The following SPARCL1 variants were observed in gnomAD, a reference collection of about 807,000 sequenced individuals.
SPARCL1 encodes SPARC like 1.
Under a neutral mutation model 67.1 loss-of-function variants are expected in SPARCL1, and 52 were observed. That is an observed-to-expected ratio of 0.78 (90% confidence interval 0.62 to 0.98). The LOEUF (loss-of-function observed/expected upper bound fraction) is 0.98. SPARCL1 is among the 50% of genes least tolerant of loss of function. The pLI is 0.00. For missense variants in SPARCL1, 717 were observed against 782.4 expected (o/e 0.92, Z 1.00); for synonymous variants, 226 against 267.8 (o/e 0.84, Z 1.52).
At position 87,523,729 on chromosome 4, in the gene SPARCL1, T is replaced by C. The variant is rs145641226; in HGVS notation, c.-12+5316A>G. 5.9e-3 allele frequency among the ~76,000 whole-genome samples: 903 copies of C among 152,320 alleles called. 12 individuals are homozygous for C. Among genetic ancestry groups the C allele is most frequent in the African/African-American group, 0.02 (842 of 41,556 alleles). ...AAGTCATGTTAATAAGTATAAAATA[T>C]TTAAATTAAAGTAACATATTAAATA... is the stretch of plus-strand genomic sequence containing the variant. On this transcript the variant is annotated intron_variant, in intron 1 of 10. Transcript: ENST00000282470.
chr4:87,522,658 C>CAT (rs907606043), intron 1 of SPARCL1, among the ~76,000 whole-genome samples: 1 of 150,292 alleles, frequency 6.7e-6, no homozygotes, highest in Non-Finnish European at 1.5e-5. Context: ...CACACACACA[C>CAT]ACACACACAC....
At chr4:87,522,787 G>A (rs908241629) in intron 1 of SPARCL1, among the ~76,000 whole-genome samples, 1 of 152,028 alleles carries the variant, frequency 6.6e-6, no homozygotes, top group Non-Finnish European at 1.5e-5. Context: ...GAACAAAGGT[G>A]TTTTGCCTTC....
chr4:87,490,605 G>C (rs1487562465), intron 6 of SPARCL1, among the ~76,000 whole-genome samples, 155 bp downstream of exon 6: 2 of 152,178 alleles, frequency 1.3e-5, no homozygotes, highest in African/African-American at 4.8e-5. Context: ...GATAAGCTCA[G>C]TAGAATGAAA....
At chr4:87,512,609 G>A (rs1183974126) in intron 1 of SPARCL1, among the ~76,000 whole-genome samples, 1 of 152,138 alleles carries the variant, frequency 6.6e-6, no homozygotes, top group African/African-American at 2.4e-5. Flanking sequence ...CCTCCTGGAT[G>A]ATTCAGCCCC....
chr4:87,493,998 G>C lies in SPARCL1; in HGVS notation c.802C>G (p.Gln268Glu), dbSNP rs762084398. Reference protein sequence around the residue: ...EDEFDQGNQEQEDNSNAEMEE... With the variant: ...EDEFDQGNQEEEDNSNAEMEE... ...ATTTCTGCATTGGAGTTATCTTCTT[G>C]TTCTTGGTTACCCTGATCAAATTCA... Residue 268 changes from glutamine to glutamate, a missense_variant, in exon 4 of 11, where the codon CAA becomes GAA. Transcript: ENST00000282470. 1.2e-6 allele frequency: 2 copies of C among 1,614,018 alleles called. No individual in the cohort carries two copies. Among genetic ancestry groups the C allele is most frequent in the South Asian group, 1.1e-5 (1 of 91,066 alleles).
chr4:87,486,516 G>A (rs1373158858), intron 7 of SPARCL1, among the ~76,000 whole-genome samples: 1 of 152,178 alleles, frequency 6.6e-6, no homozygotes, highest in Non-Finnish European at 1.5e-5. Context: ...ACAATGTGGT[G>A]CTGAGAAGAA....
chr4:87,526,324 A>C (rs1279849167), intron 1 of SPARCL1, among the ~76,000 whole-genome samples: 9 of 152,216 alleles, frequency 5.9e-5, no homozygotes, highest in Admixed American at 5.2e-4. Flanking sequence ...AATTCAAAGA[A>C]TATTTCCTTC....
chr4:87,508,509 C>A (rs908738115), intron 1 of SPARCL1, among the ~76,000 whole-genome samples: 3 of 151,980 alleles, frequency 2.0e-5, no homozygotes, highest in African/African-American at 7.3e-5. Context: ...CTCTTCTTGG[C>A]CTCTCCATGC....
intron 5 of SPARCL1, among the ~76,000 whole-genome samples, chr4:87,491,260 G>A (rs534849641): frequency 1.2e-5 from 1 of 84,120 alleles, no homozygotes; most frequent in Non-Finnish European, 2.5e-5. Context: ...GTTTGTGATA[G>A]GGGGAGGAAT....
intron 1 of SPARCL1, among the ~76,000 whole-genome samples, chr4:87,524,111 ACTG>A (rs1362918033): frequency 7.9e-5 from 12 of 152,354 alleles, no homozygotes; most frequent in African/African-American, 2.4e-4. Flanking sequence ...CCTAGAAAAC[ACTG>A]GAGGAACTGA....
intron 10 of SPARCL1, among the ~76,000 whole-genome samples, chr4:87,477,418 A>G (rs918043988): frequency 6.6e-6 from 1 of 152,118 alleles, no homozygotes; most frequent in African/African-American, 2.4e-5. Flanking sequence ...TTGACATCCA[A>G]CCCCCTGTGG....
In SPARCL1 at chr4:87,494,452, A is replaced by G. The variant is rs1724526772; in HGVS notation, c.348T>C (p.Thr116=). 1.2e-6 allele frequency: 2 copies of G among 1,614,080 alleles called. No individual in the cohort carries two copies. The highest frequency in any genetic ancestry group is 3.3e-5 in the Admixed American group (2 of 60,004). The change falls in exon 4 of 11, where the codon ACT becomes ACC. Residue 116 remains threonine, a synonymous_variant. Transcript: ENST00000282470. ...CTTCTTTTATGTCCAATGTACCTTC[A>G]GTTGGTGCATACTCCAAATTCACAC... The part of the protein sequence containing the change: ...HLSVNLEYAP[T]EGTLDIKEDM...
chr4:87,489,747 C>T (rs1368412898), intron 7 of SPARCL1, among the ~76,000 whole-genome samples: 2 of 152,180 alleles, frequency 1.3e-5, no homozygotes, highest in Non-Finnish European at 2.9e-5. Context: ...TTCATCCTCT[C>T]CTGTGTCTGG....
At chr4:87,477,309 G>A (rs749643990) in intron 10 of SPARCL1, among the ~76,000 whole-genome samples, 1 of 152,160 alleles carries the variant, frequency 6.6e-6, no homozygotes, top group Non-Finnish European at 1.5e-5. Context: ...TATCCCAGCT[G>A]AGTTTTCCCC....
chr4:87,482,584 G>A (rs1252689532), intron 7 of SPARCL1, 24 bp from the exon 8 acceptor site: 2 of 1,613,170 alleles, frequency 1.2e-6, no homozygotes, highest in Admixed American at 1.7e-5. Flanking sequence ...AAAATGTACT[G>A]TAATCTTTGG....
At chr4:87,474,399 AT>A (rs5860075) in intron 10 of SPARCL1, among the ~76,000 whole-genome samples, 88,789 of 149,952 alleles carry the variant, frequency 0.59, 26,630 homozygotes, top group African/African-American at 0.71. Context: ...ATGGACTTTG[AT>A]TTTTTTTTTT....
In SPARCL1 at chr4:87,480,366, T is replaced by C; in HGVS notation, c.1817+6A>G. 6.3e-7 allele frequency: 1 copy of C among 1,582,706 alleles called. No individual in the cohort carries two copies. Among genetic ancestry groups the C allele is most frequent in the Non-Finnish European group, 8.6e-7 (1 of 1,166,278 alleles). ...ATCTAGAAATGGAAAGGTAAAGAGT[T>C]CTTACCTATCCATAGGGTGTTGGTC... On this transcript the variant is annotated splice_donor_region_variant and intron_variant, in intron 9 of 10. Coordinates refer to ENST00000282470, the MANE Select transcript of SPARCL1 (RefSeq NM_004684.6).
rs761811084 is a variant in SPARCL1 at position 87,491,700 on chromosome 4, A to C, written c.1219-10T>G. On this transcript the variant is annotated splice_polypyrimidine_tract_variant and intron_variant, in intron 4 of 10. Transcript: ENST00000282470. ...TCTCTGCTTTCTTGGCCTTTAGAAT[A>C]ACAAGAGCAAAAGTTAAAATCTACT... 1.3e-5 allele frequency: 21 copies of C among 1,603,334 alleles called. No individual in the cohort carries two copies. Among genetic ancestry groups the C allele is most frequent in the Admixed American group, 1.7e-5 (1 of 60,010 alleles).
intron 1 of SPARCL1, among the ~76,000 whole-genome samples, chr4:87,512,421 G>T (rs1305935424): frequency 6.6e-6 from 1 of 152,136 alleles, no homozygotes; most frequent in East Asian, 1.9e-4. Flanking sequence ...CCTTAACCTT[G>T]TGATTTGCTT....
Sources: gnomAD v4.1 joint callset for allele counts (sites outside exome capture counted in the v4.1 genomes callset) on GRCh38, gnomAD v4.1.1 for gene constraint, MANE v1.5 for transcripts, NCBI Gene and HGNC (gene_info 2026-07-23, HGNC 2026-07-21) for gene names.